PHF14: variants seen among roughly 807,000 people sequenced by gnomAD.
PHF14 encodes PHD finger protein 14.
In PHF14, 55 loss-of-function variants were observed where a neutral mutation model predicts 117.9. The ratio of observed to expected loss-of-function variants is 0.47; its 90% confidence interval spans 0.38 to 0.58. PHF14 has a LOEUF of 0.58. Ranked by LOEUF, PHF14 falls within the 20% of genes least tolerant of loss-of-function variation. The probability of loss-of-function intolerance (pLI) is 0.00; values close to 1 mark genes in which losing one functional copy is unlikely to be tolerated. For synonymous variants in PHF14, 409 were observed against 368.6 expected (o/e 1.11, Z -1.26); for missense variants, 978 against 1,122.2 (o/e 0.87, Z 1.84).
At chr7:11,048,340 G>A (rs1308835829) in intron 13 of PHF14, among the ~76,000 whole-genome samples, 5 of 152,230 alleles carry the variant, frequency 3.3e-5, no homozygotes, top group South Asian at 4.1e-4. Context: ...TGGGGAGGGC[G>A]GGGCAGGTGG....
At position 11,003,342 on chromosome 7, in the gene PHF14, T is replaced by C. The variant is rs530529643; in HGVS notation, c.1046-10405T>C. ...GTCTTTTTCTCCAGTGTTTGGGGGCTTTCATATATGCTTTTCCTTTTACCC... is the reference window on the plus strand; with the variant it reads ...GTCTTTTTCTCCAGTGTTTGGGGGCCTTCATATATGCTTTTCCTTTTACCC... On this transcript the variant is annotated intron_variant, in intron 4 of 17. Coordinates refer to ENST00000634607, the MANE Select transcript of PHF14 (RefSeq NM_001007157.2). Among the ~76,000 whole-genome samples the C allele has an allele frequency of 8.5e-5, 13 of 152,350 alleles. 1 individual carries two copies. In the South Asian group the frequency reaches 2.7e-3, roughly 32 times the overall value.
chr7:11,128,281 A>G (rs1787986848), intron 17 of PHF14, among the ~76,000 whole-genome samples: 1 of 152,050 alleles, frequency 6.6e-6, no homozygotes, highest in African/African-American at 2.4e-5. Flanking sequence ...TATTCCCAGC[A>G]GACTTACTTT....
chr7:11,145,661 A>G (rs1190137068), intron 17 of PHF14, among the ~76,000 whole-genome samples: 1 of 152,098 alleles, frequency 6.6e-6, no homozygotes, highest in East Asian at 1.9e-4. Flanking sequence ...CGAACTATTT[A>G]AAGAACTACT....
At chr7:11,057,248 A>G (rs986482537) in intron 14 of PHF14, among the ~76,000 whole-genome samples, 9 of 152,252 alleles carry the variant, frequency 5.9e-5, no homozygotes, top group Non-Finnish European at 1.3e-4. Flanking sequence ...CTTGATTGCA[A>G]ATTAAAATAA....
chr7:11,122,352 T>TATATATATATATATACACAC, intron 17 of PHF14, among the ~76,000 whole-genome samples: 7 of 65,870 alleles, frequency 1.1e-4, no homozygotes, highest in South Asian at 1.0e-3. Context: ...TATATATATA[T>TATATATATATATATACACAC]ACACACACAC....
chr7:11,076,942 A>T (rs1240350855), intron 16 of PHF14, among the ~76,000 whole-genome samples: 3 of 151,400 alleles, frequency 2.0e-5, no homozygotes, highest in Non-Finnish European at 4.4e-5. Flanking sequence ...TAGTATCTCA[A>T]TGGTATATTA....
At chr7:11,133,627 C>T (rs1788143544) in intron 17 of PHF14, among the ~76,000 whole-genome samples, 1 of 151,884 alleles carries the variant, frequency 6.6e-6, no homozygotes, top group Admixed American at 6.6e-5. Context: ...CTCCAGAGTG[C>T]TTCCCCTAGC....
chr7:10,978,401 C>T (rs1295178731), intron 2 of PHF14, among the ~76,000 whole-genome samples: 18 of 152,092 alleles, frequency 1.2e-4, no homozygotes, highest in Non-Finnish European at 2.4e-4. Context: ...AGAACAATTT[C>T]ATTGAGGAGA....
At chr7:10,995,644 C>T (rs1338152529) in intron 4 of PHF14, among the ~76,000 whole-genome samples, 3 of 152,170 alleles carry the variant, frequency 2.0e-5, no homozygotes, top group Admixed American at 6.5e-5. Flanking sequence ...GAGCCCATGG[C>T]GGGGTGGGTA....
intron 16 of PHF14, among the ~76,000 whole-genome samples, chr7:11,081,309 C>A (rs745500807): frequency 2.6e-5 from 4 of 152,112 alleles, no homozygotes; most frequent in African/African-American, 7.2e-5. Context: ...AAAGTAACAG[C>A]ACTTGGAGGA....
At chr7:11,064,378 T>C (rs967585586) in intron 16 of PHF14, among the ~76,000 whole-genome samples, 20 of 151,998 alleles carry the variant, frequency 1.3e-4, no homozygotes, top group African/African-American at 3.9e-4. Flanking sequence ...TTTTTAACTT[T>C]CAAATAAGAT....
chr7:11,119,990 C>G (rs1390327971), intron 17 of PHF14, among the ~76,000 whole-genome samples: 2 of 151,866 alleles, frequency 1.3e-5, no homozygotes, highest in Non-Finnish European at 2.9e-5. Context: ...TCATTTTTGA[C>G]ATTTCTGAAA....
intron 5 of PHF14, chr7:11,014,967 G>A (rs1226555565): frequency 6.7e-6 from 1 of 148,248 alleles, no homozygotes; most frequent in Non-Finnish European, 1.5e-5. Context: ...TTTGTATTTC[G>A]TGGAGATCAC....
At chr7:11,084,715 T>C (rs1304329630) in intron 16 of PHF14, among the ~76,000 whole-genome samples, 2 of 152,152 alleles carry the variant, frequency 1.3e-5, no homozygotes, top group Non-Finnish European at 2.9e-5. Flanking sequence ...ATGGATAATA[T>C]TATCTTGTTA....
intron 5 of PHF14, among the ~76,000 whole-genome samples, chr7:11,018,764 G>A (rs1168667583): frequency 1.3e-5 from 2 of 152,080 alleles, no homozygotes; most frequent in East Asian, 3.9e-4. Flanking sequence ...GGAAGCTAGG[G>A]CTTCCAGTAC....
rs1460243840 is a variant in PHF14, at chr7:11,013,777, C to G, written c.1076C>G (p.Ser359Cys). 6.3e-7 allele frequency: 1 copy of G among 1,598,378 alleles called. No individual in the cohort carries two copies. Among genetic ancestry groups the G allele is most frequent in the African/African-American group, 1.3e-5 (1 of 74,672 alleles). Residue 359 changes from serine (S) to cysteine (C), a missense_variant, in exon 5 of 18, where the codon TCT becomes TGT. Physicochemically the swap from Ser to Cys is moderately radical, Grantham distance 112. Coordinates refer to ENST00000634607, the MANE Select transcript of PHF14 (RefSeq NM_001007157.2). ...GCYGVDGESD[S>C]IMSSASENST... is the part of the protein sequence containing the mutation. The stretch of plus-strand genomic sequence containing the variant: ...TATGGAGTTGATGGAGAGAGTGACT[C>G]TATTATGAGTTCAGCTTCTGAAAAC...
chr7:11,036,350 A>T, intron 8 of PHF14, 68 bp from the exon 9 acceptor site: 2 of 1,286,536 alleles, frequency 1.6e-6, no homozygotes, highest in East Asian at 2.5e-5. Flanking sequence ...ATAAAAATCA[A>T]TGTAAAAATC....
chr7:11,096,789 T>C (rs963818941), intron 16 of PHF14, among the ~76,000 whole-genome samples: 2 of 152,126 alleles, frequency 1.3e-5, no homozygotes, highest in African/African-American at 4.8e-5. Flanking sequence ...AGGAACTACA[T>C]AGGAAGTAAA....
rs150183536 is a variant in PHF14, at chr7:10,990,192, C to T, written c.901-511C>T. Among the ~76,000 whole-genome samples, 1,061 of 152,294 alleles carry T rather than the reference C, an allele frequency of 7.0e-3. 7 individuals carry two copies. Among genetic ancestry groups the T allele is most frequent in the Middle Eastern group, 0.031 (9 of 294 alleles). ...AGTATAGAGTCCTTAAGTGTGCCATCACATACATACTTGCTTATATGTTAT... is the reference window on the plus strand; with the variant it reads ...AGTATAGAGTCCTTAAGTGTGCCATTACATACATACTTGCTTATATGTTAT... On this transcript the variant is annotated intron_variant, in intron 3 of 17. Coordinates refer to ENST00000634607, the MANE Select transcript of PHF14 (RefSeq NM_001007157.2).
Sources: gnomAD v4.1 joint callset for allele counts (sites outside exome capture counted in the v4.1 genomes callset) on GRCh38, gnomAD v4.1.1 for gene constraint, MANE v1.5 for transcripts, NCBI Gene and HGNC (gene_info 2026-07-23, HGNC 2026-07-21) for gene names.